Variants in CDKL3 observed in about 807,000 individuals in gnomAD.
The protein encoded by CDKL3 is cyclin dependent kinase like 3, also known as cyclin-dependent kinase-like 3.
Under a neutral mutation model 69.3 loss-of-function variants are expected in CDKL3, and 65 were observed. The observed-to-expected ratio is 0.94, with a 90% CI of 0.77 to 1.15. The LOEUF (loss-of-function observed/expected upper bound fraction) is 1.15. Ranked by LOEUF, CDKL3 falls within the 50% of genes most tolerant of loss-of-function variation. The pLI is 0.00. For missense variants in CDKL3, 652 were observed against 689.2 expected (o/e 0.95, Z 0.61); for synonymous variants, 202 against 221.6 (o/e 0.91, Z 0.79).
intron 2 of CDKL3, among the ~76,000 whole-genome samples, chr5:134,365,357 T>C (rs768972420): frequency 7.3e-4 from 110 of 151,536 alleles, no homozygotes; most frequent in Non-Finnish European, 1.4e-3. Flanking sequence ...TGACCTCAGG[T>C]GATCCACCCG....
intron 5 of CDKL3, among the ~76,000 whole-genome samples, chr5:134,321,003 TTC>T (rs1249754320): frequency 6.1e-5 from 9 of 148,400 alleles, no homozygotes; most frequent in African/African-American, 2.3e-4. Flanking sequence ...ATCAAACATA[TTC>T]TTTTTTTTTT....
At chr5:134,302,024 C>T (rs1766481748) in intron 12 of CDKL3, 5 of 399,488 alleles carry the variant, frequency 1.3e-5, no homozygotes, top group Non-Finnish European at 2.5e-5. Context: ...ATCTCTCTCT[C>T]TTAAAAGACT....
At chr5:134,294,695 G>T (rs1256583166), downstream of CDKL3, among the ~76,000 whole-genome samples, 1 of 151,502 alleles carries the variant, frequency 6.6e-6, no homozygotes, top group African/African-American at 2.4e-5. Flanking sequence ...GGAAGGGAGG[G>T]AGTCAGGAGA....
At chr5:134,300,285 G>A (rs984133020) in intron 12 of CDKL3, among the ~76,000 whole-genome samples, 2 of 152,132 alleles carry the variant, frequency 1.3e-5, no homozygotes, top group South Asian at 2.1e-4. Flanking sequence ...GTTGCAGTGA[G>A]CTAAGATCAC....
chr5:134,327,146 G>GC (rs1400818339), intron 4 of CDKL3, among the ~76,000 whole-genome samples: 3 of 151,950 alleles, frequency 2.0e-5, no homozygotes, highest in Non-Finnish European at 2.9e-5. Flanking sequence ...GCTAAGTTCT[G>GC]GGTGATTAGT....
At chr5:134,306,534 C>T in intron 10 of CDKL3, 75 bp downstream of exon 10, 1 of 871,170 alleles carries the variant, frequency 1.1e-6, no homozygotes, top group Non-Finnish European at 1.9e-6. Context: ...GTATTAGAGC[C>T]CTAAAGATAG....
chr5:134,353,930 A>G (rs989264557), intron 3 of CDKL3, among the ~76,000 whole-genome samples: 1 of 152,152 alleles, frequency 6.6e-6, no homozygotes, highest in Admixed American at 6.5e-5. Flanking sequence ...GAAATGGCTT[A>G]TAAGGCCTTG....
chr5:134,352,083 CTCTACT>C (rs1180322232), intron 3 of CDKL3, among the ~76,000 whole-genome samples: 3 of 152,142 alleles, frequency 2.0e-5, no homozygotes, highest in Non-Finnish European at 4.4e-5. Flanking sequence ...CCATTCTACT[CTCTACT>C]TCTATGAGTT....
intron 4 of CDKL3, among the ~76,000 whole-genome samples, chr5:134,344,067 A>G (rs1751206678): frequency 6.6e-6 from 1 of 152,232 alleles, no homozygotes; most frequent in African/African-American, 2.4e-5. Context: ...TATTTTCATC[A>G]AATGGTGCTG....
intron 4 of CDKL3, among the ~76,000 whole-genome samples, chr5:134,344,810 T>C (rs907061124): frequency 1.3e-5 from 2 of 152,086 alleles, no homozygotes; most frequent in African/African-American, 4.8e-5. Flanking sequence ...ACATCTGTAA[T>C]CTCAGCACTT....
chr5:134,293,651 T>C (rs762566844), downstream of CDKL3, among the ~76,000 whole-genome samples: 1 of 150,944 alleles, frequency 6.6e-6, no homozygotes, highest in Non-Finnish European at 1.5e-5. Context: ...AATTTAAATA[T>C]TAGCTGGATA....
chr5:134,353,965 A>G (rs1753932448), intron 3 of CDKL3, among the ~76,000 whole-genome samples: 1 of 152,044 alleles, frequency 6.6e-6, no homozygotes, highest in African/African-American at 2.4e-5. Flanking sequence ...TACTTACCCT[A>G]TTAACCTCCT....
upstream of CDKL3, among the ~76,000 whole-genome samples, chr5:134,370,553 A>G (rs1758261142): frequency 1.3e-5 from 2 of 152,188 alleles, no homozygotes; most frequent in South Asian, 4.1e-4. Flanking sequence ...TAAAAATACA[A>G]TGGTACTCCC....
At chr5:134,343,543 A>G (rs1751065275) in intron 4 of CDKL3, among the ~76,000 whole-genome samples, 1 of 152,222 alleles carries the variant, frequency 6.6e-6, no homozygotes, top group African/African-American at 2.4e-5. Flanking sequence ...CCACAAGATT[A>G]GAAATTATGG....
chr5:134,353,736 T>A (rs942339396), intron 3 of CDKL3, among the ~76,000 whole-genome samples: 1 of 152,014 alleles, frequency 6.6e-6, no homozygotes, highest in Non-Finnish European at 1.5e-5. Context: ...ATTTTTGTAT[T>A]TTTAGTAGAG....
intron 4 of CDKL3, among the ~76,000 whole-genome samples, chr5:134,334,902 T>G (rs1191217372): frequency 6.6e-6 from 1 of 152,198 alleles, no homozygotes; most frequent in Non-Finnish European, 1.5e-5. Flanking sequence ...TGTCTGATAT[T>G]GACCGTGGGG....
At position 134,319,488 on chromosome 5, in the gene CDKL3, G is replaced by C. The variant is rs2149481712; in HGVS notation, c.662C>G (p.Ser221Ter). The C allele has an allele frequency of 1.3e-6, 2 of 1,524,596 alleles. No homozygotes were observed. Among genetic ancestry groups the C allele is most frequent in the East Asian group, 5.0e-5 (2 of 40,376 alleles). The allele number at this position is 1,524,596 out of a possible 1,614,324, so 94.4% of individuals were successfully genotyped here. Reference protein sequence around the residue: ...HKIVLKVGNLSPHLQNIFSKS... With the variant: ...HKIVLKVGNL ...GGAAAAGATATTCTGCAAGTGAGGT[G>C]ACAAATTGCCTGAAAAGAGAAAAAA... The change falls in exon 6 of 13, where the codon TCA (serine) becomes TGA (stop). Residue 221 changes from serine to a stop codon, truncating the protein, a stop_gained. Coordinates refer to ENST00000265334, the MANE Select transcript of CDKL3 (RefSeq NM_001113575.2). LOFTEE classifies it high-confidence loss of function.
At chr5:134,301,731 A>T (rs570990859) in intron 12 of CDKL3, among the ~76,000 whole-genome samples, 305 of 151,830 alleles carry the variant, frequency 2.0e-3, no homozygotes, top group African/African-American at 5.0e-3. Flanking sequence ...AATATTTTTT[A>T]AAAAAAATAG....
chr5:134,359,094 TG>T (rs1290168260), intron 3 of CDKL3, among the ~76,000 whole-genome samples: 2 of 152,078 alleles, frequency 1.3e-5, no homozygotes, highest in East Asian at 3.9e-4. Flanking sequence ...GAGACCAGCC[TG>T]GGTAACATGG....
Sources: gnomAD v4.1 joint callset for allele counts (sites outside exome capture counted in the v4.1 genomes callset) on GRCh38, gnomAD v4.1.1 for gene constraint, MANE v1.5 for transcripts, NCBI Gene and HGNC (gene_info 2026-07-23, HGNC 2026-07-21) for gene names.